The following RNF215 variants were observed in gnomAD, a reference collection of about 807,000 sequenced individuals.
The protein encoded by RNF215 is ring finger protein 215.
Under a neutral mutation model 44.8 loss-of-function variants are expected in RNF215, and 41 were observed. That is an observed-to-expected ratio of 0.92 (90% CI 0.71 to 1.19). RNF215 has a LOEUF of 1.19. Among genes scored for constraint, RNF215 ranks in the 50% most tolerant of loss-of-function variants. The probability of loss-of-function intolerance (pLI) is 0.00; values close to 1 mark genes in which losing one functional copy is unlikely to be tolerated. For synonymous variants in RNF215, 218 were observed against 230.1 expected, an observed-to-expected ratio of 0.95 and a Z score of 0.48; for missense variants, 452 against 496.2, an observed-to-expected ratio of 0.91 and a Z score of 0.85.
At position 30,387,039 on chromosome 22, in the gene RNF215, C is replaced by A. The variant is rs1430144194; in HGVS notation, c.275G>T (p.Arg92Leu). The A allele has an allele frequency of 1.3e-6, 2 of 1,544,606 alleles. No individual in the cohort carries two copies. The highest frequency in any genetic ancestry group is 1.7e-6 in the Non-Finnish European group (2 of 1,150,714). The change falls in exon 1 of 9, where the codon CGT (arginine) becomes CTT (leucine). Residue 92 changes from arginine (R) to leucine (L), a missense_variant. By Grantham distance (102) the Arg-to-Leu change is moderately radical (BLOSUM62 -2). Coordinates refer to ENST00000382363, the MANE Select transcript of RNF215 (RefSeq NM_001017981.2). ...CTCAGCAGCGCTCACCAGCAGCAGA[C>A]GACCGCCCAGCAGGGGCGCCGGGTC... The part of the protein sequence containing the change: ...EADPAPLLGG[R>L]LLLMDIVDAE...
At chr22:30,386,999 G>A (rs1404505830) in intron 1 of RNF215, 30 bp downstream of exon 1, 1 of 1,537,018 alleles carries the variant, frequency 6.5e-7, no homozygotes, top group Admixed American at 2.0e-5. Flanking sequence ...GGGGTTTAGT[G>A]ATGCGGCCAG....
chr22:30,387,155 C>T lies in RNF215; in HGVS notation c.159G>A (p.Gly53=), dbSNP rs1434601584. ...ADGSEPAAGA[G]RGGARAVRVD... ...CCCGCACGGCGCGGGCTCCGCCCCG[C>T]CCCGCCCCGGCCGCCGGCTCGCTGC... is the stretch of plus-strand genomic sequence containing the variant. Residue 53 remains glycine, a synonymous_variant, in exon 1 of 9, where the codon GGG becomes GGA. Coordinates refer to ENST00000382363, the MANE Select transcript of RNF215 (RefSeq NM_001017981.2). 1.6e-6 allele frequency: 2 copies of T among 1,230,456 alleles called. No homozygotes were observed. The highest frequency in any genetic ancestry group is 1.0e-6 in the Non-Finnish European group (1 of 986,196). 76.2% of individuals were successfully genotyped at this position (1,230,456 alleles called of 1,614,324 possible). A position where few individuals can be genotyped will look rare whatever the true frequency, so the allele number is the denominator to read the frequency against.
At position 30,387,290 on chromosome 22, in the gene RNF215, CGCGGGGCGAGCG is replaced by C; in HGVS notation, c.12_23del (p.Ala5_Ala8del). The C allele has an allele frequency of 8.4e-6, 9 of 1,069,202 alleles. No homozygotes were observed. The highest frequency in any genetic ancestry group is 1.0e-5 in the Non-Finnish European group (9 of 887,072). The allele number at this position is 1,069,202 out of a possible 1,614,324, so 66.2% of individuals were successfully genotyped here. A position where few individuals can be genotyped will look rare whatever the true frequency, so the allele number is the denominator to read the frequency against. On this transcript the variant is annotated inframe_deletion, in exon 1 of 9. Transcript: ENST00000382363. ...GCGGAGGCGGCGGCGGCGATCTCAG[CGCGGGGCGAGCG>C]GCGGGGCCCATGGCCGGACCCGGCG...
intron 2 of RNF215, 133 bp downstream of exon 2, chr22:30,386,483 C>A: frequency 8.9e-7 from 1 of 1,122,636 alleles, no homozygotes; most frequent in Non-Finnish European, 1.3e-6. Flanking sequence ...ATTCTTCAAA[C>A]TGGGGTGCCC....
chr22:30,386,873 TG>T (rs1933608047), intron 1 of RNF215, 114 bp from the exon 2 acceptor site: 7 of 1,486,706 alleles, frequency 4.7e-6, no homozygotes, highest in Non-Finnish European at 6.2e-6. Context: ...CTCTCTGGTT[TG>T]GGAAGCCGGA....
In RNF215 at chr22:30,380,267, G is replaced by A. The variant is rs1358846113; in HGVS notation, c.864+15C>T. On this transcript the variant is annotated intron_variant, in intron 6 of 8. Coordinates refer to ENST00000382363, the MANE Select transcript of RNF215 (RefSeq NM_001017981.2). The surrounding 1 kb of genome is among the most constrained non-coding windows in gnomAD (Gnocchi z 5.3). ...AGGGCTGAGGGTGCTGGGGCTCCCT[G>A]GGGCTGGCTCCCACCTGGCCTCCGA... 2 of 1,610,996 alleles carry A rather than the reference G, an allele frequency of 1.2e-6. No individual in the cohort carries two copies. The highest frequency in any genetic ancestry group is 3.3e-5 in the Admixed American group (2 of 59,882).
At chr22:30,384,674 G>A (rs910835917) in intron 4 of RNF215, 179 bp from the exon 5 acceptor site, 18 of 561,490 alleles carry the variant, frequency 3.2e-5, no homozygotes, top group Non-Finnish European at 5.0e-5. Context: ...GCCAGGCCAG[G>A]GAAGCCTGCA....
rs1601756353 is a variant in RNF215, at chr22:30,379,403, C to T, written c.*197G>A. On this transcript the variant is annotated 3_prime_UTR_variant, in exon 9 of 9. Coordinates refer to ENST00000382363, the MANE Select transcript of RNF215 (RefSeq NM_001017981.2). ...CTTCCTTGACTGACAGGTCCCAGCC[C>T]TAGATCCTCAGTCTGAAGCTGTGGG... The T allele has an allele frequency of 1.5e-6, 1 of 649,442 alleles. No homozygotes were observed. The highest frequency in any genetic ancestry group is 4.2e-4 in the Middle Eastern group (1 of 2,358). The allele number at this position is 649,442 out of a possible 1,614,324, so 40.2% of individuals were successfully genotyped here. A position where few individuals can be genotyped will look rare whatever the true frequency, so the allele number is the denominator to read the frequency against.
Position 30,387,282 on chromosome 22 carries a change from G to A in RNF215, c.32C>T (p.Ser11Leu). MGPAARPALR[S>L]PPPPPPPPPS... ...AGGCGGCGGCGGAGGCGGCGGCGGC[G>A]ATCTCAGCGCGGGGCGAGCGGCGGG... The change falls in exon 1 of 9, where the codon TCG becomes TTG. Residue 11 changes from serine (S) to leucine (L), a missense_variant. Ser to Leu is a moderately radical substitution (Grantham distance 145). Transcript: ENST00000382363. The A allele has an allele frequency of 9.4e-7, 1 of 1,066,896 alleles. No homozygotes were observed. The allele number at this position is 1,066,896 out of a possible 1,614,324, so 66.1% of individuals were successfully genotyped here.
chr22:30,387,345 G>A lies in RNF215; in HGVS notation c.-32C>T. ...ACCCGGCGAGCTGGCCCAACAGTGGGGCCAGGGGTCCCGGGCGCGGGGGGG... is the reference window on the plus strand; with the variant it reads ...ACCCGGCGAGCTGGCCCAACAGTGGAGCCAGGGGTCCCGGGCGCGGGGGGG... On this transcript the variant is annotated 5_prime_UTR_variant, in exon 1 of 9. Coordinates refer to ENST00000382363, the MANE Select transcript of RNF215 (RefSeq NM_001017981.2). 1.9e-6 allele frequency: 2 copies of A among 1,049,774 alleles called. No homozygotes were observed. The highest frequency in any genetic ancestry group is 2.3e-6 in the Non-Finnish European group (2 of 872,462). 65.0% of individuals were successfully genotyped at this position (1,049,774 alleles called of 1,614,324 possible). A position where few individuals can be genotyped will look rare whatever the true frequency, so the allele number is the denominator to read the frequency against.
rs1159292981 is a variant in RNF215 at position 30,387,105 on chromosome 22, T to A, written c.209A>T (p.Asp70Val). 1 of 1,520,338 alleles carries A rather than the reference T, an allele frequency of 6.6e-7. No individual in the cohort carries two copies. The highest frequency in any genetic ancestry group is 8.8e-7 in the Non-Finnish European group (1 of 1,139,464). 94.2% of individuals were successfully genotyped at this position (1,520,338 alleles called of 1,614,324 possible). The change falls in exon 1 of 9, where the codon GAC becomes GTC. Residue 70 changes from aspartate (D) to valine (V), a missense_variant. Asp to Val is a radical substitution (Grantham distance 152). Coordinates refer to ENST00000382363, the MANE Select transcript of RNF215 (RefSeq NM_001017981.2). ...VRVDVRLPRQDALVLEGVRIG... is the reference protein window; with the variant it reads ...VRVDVRLPRQVALVLEGVRIG... ...CCTGACGCCCTCCAGGACCAGAGCG[T>A]CCTGGCGCGGCAGTCTCACGTCCAC...
rs375651872 is a variant in RNF215 at position 30,380,335 on chromosome 22, C to G, written c.811G>C (p.Val271Leu). ...CGCGACGCCTGCCGCTGGGCCTGGA[C>G]CACGAGGCCTGTGCACAGGAGCATG... ...VAMLLCTGLV[V>L]QAQRQASRQS... Residue 271 changes from valine (V) to leucine (L), a missense_variant, in exon 6 of 9, where the codon GTC (valine) becomes CTC (leucine). Val to Leu is a conservative substitution (Grantham distance 32). Transcript: ENST00000382363. The surrounding 1 kb of genome is among the most constrained non-coding windows in gnomAD (Gnocchi z 5.3). The G allele has an allele frequency of 3.1e-6, 5 of 1,611,712 alleles. No homozygotes were observed. The highest frequency in any genetic ancestry group is 1.3e-5 in the African/African-American group (1 of 74,870).
intron 5 of RNF215, among the ~76,000 whole-genome samples, chr22:30,383,656 T>G (rs938400695): frequency 6.6e-6 from 1 of 152,192 alleles, no homozygotes; most frequent in African/African-American, 2.4e-5. Flanking sequence ...TTGAATGCCC[T>G]GATGCCAAGC....
intron 1 of RNF215, 60 bp from the exon 2 acceptor site, chr22:30,386,819 G>T: frequency 1.3e-6 from 2 of 1,557,870 alleles, no homozygotes; most frequent in Non-Finnish European, 1.7e-6. Flanking sequence ...GGGAGCCGGG[G>T]TCATCACAGT....
Position 30,380,106 on chromosome 22 carries a change from C to T in RNF215, c.964G>A (p.Ala322Thr), listed in dbSNP as rs5749088. The T allele has an allele frequency of 0.22, 351,054 of 1,613,820 alleles. 40,898 individuals are homozygous for T. The highest frequency in any genetic ancestry group is 0.27 in the Middle Eastern group (1,611 of 6,062). ...TCCAGGCACACCGCACAGGTCTCAG[C>T]ACCCGGATCTGGGAGGCCCTGCGCT... ...RAAQGLPDPG[A>T]ETCAVCLDYF... The change falls in exon 7 of 9, where the codon GCT becomes ACT. Residue 322 changes from alanine to threonine, a missense_variant. By Grantham distance (58) the Ala-to-Thr change is moderately conservative (BLOSUM62 0). Transcript: ENST00000382363. The surrounding 1 kb of genome is among the most constrained non-coding windows in gnomAD (Gnocchi z 5.3).
At position 30,380,268 on chromosome 22, in the gene RNF215, G is replaced by A. The variant is rs369784906; in HGVS notation, c.864+14C>T. ...GGGCTGAGGGTGCTGGGGCTCCCTG[G>A]GGCTGGCTCCCACCTGGCCTCCGAG... On this transcript the variant is annotated intron_variant, in intron 6 of 8. Coordinates refer to ENST00000382363, the MANE Select transcript of RNF215 (RefSeq NM_001017981.2). This position sits in a 1 kb window ranked among gnomAD's most constrained non-coding sequence, Gnocchi z 5.3. 31 of 1,610,874 alleles carry A rather than the reference G, an allele frequency of 1.9e-5. No homozygotes were observed. Among genetic ancestry groups the A allele is most frequent in the Non-Finnish European group, 2.5e-5 (30 of 1,178,196 alleles).
At chr22:30,386,536 C>T (rs904867064) in intron 2 of RNF215, 80 bp downstream of exon 2, 7 of 1,516,014 alleles carry the variant, frequency 4.6e-6, no homozygotes, top group Non-Finnish European at 6.2e-6. Context: ...TCTTAAGGGC[C>T]CATCTAAGGA....
intron 5 of RNF215, among the ~76,000 whole-genome samples, chr22:30,382,566 C>T (rs999462415): frequency 1.1e-4 from 17 of 152,184 alleles, no homozygotes; most frequent in African/African-American, 4.1e-4. Flanking sequence ...GCCATTATGG[C>T]ATAAGCTCTC....
In RNF215 at chr22:30,386,146, A is replaced by G. The variant is rs1268499574; in HGVS notation, c.430-5T>C. ...CAGGAAGAGGGCCCGCCGCATCTGCAGAGGGATAGAAGGCGAGAGGCTAGC... is the reference window on the plus strand; with the variant it reads ...CAGGAAGAGGGCCCGCCGCATCTGCGGAGGGATAGAAGGCGAGAGGCTAGC... On this transcript the variant is annotated splice_region_variant and splice_polypyrimidine_tract_variant and intron_variant, in intron 2 of 8. Coordinates refer to ENST00000382363, the MANE Select transcript of RNF215 (RefSeq NM_001017981.2). 9 of 1,591,594 alleles carry G rather than the reference A, an allele frequency of 5.7e-6. No individual in the cohort carries two copies. The highest frequency in any genetic ancestry group is 5.1e-6 in the Non-Finnish European group (6 of 1,169,422).
Sources: gnomAD v4.1 joint callset for allele counts (sites outside exome capture counted in the v4.1 genomes callset) on GRCh38, gnomAD v4.1.1 for gene constraint, Gnocchi (gnomAD v3.1) non-coding constraint, MANE v1.5 for transcripts, NCBI Gene and HGNC (gene_info 2026-07-23, HGNC 2026-07-21) for gene names.